PKN2: variants seen among roughly 807,000 people sequenced by gnomAD.
The protein encoded by PKN2 is protein kinase N2, also known as serine/threonine-protein kinase N2.
In PKN2, 38 loss-of-function variants were observed where a neutral mutation model predicts 119.1. That is an observed-to-expected ratio of 0.32 (90% CI 0.25 to 0.42). The LOEUF (loss-of-function observed/expected upper bound fraction) is 0.42, where lower values mean the gene tolerates loss of function less well. Among genes scored for constraint, PKN2 ranks in the 10% least tolerant of loss-of-function variants. PKN2 has a pLI of 1.00. For synonymous variants in PKN2, 390 were observed against 384.9 expected, an observed-to-expected ratio of 1.01 and a Z score of -0.15; for missense variants, 850 against 1,165.1, an observed-to-expected ratio of 0.73 and a Z score of 3.94.
In PKN2 at chr1:88,833,607, C is replaced by T. The variant is rs1046963562; in HGVS notation, c.*159C>T. 3.3e-6 allele frequency: 2 copies of T among 610,622 alleles called. No individual in the cohort carries two copies. The highest frequency in any genetic ancestry group is 2.9e-6 in the Non-Finnish European group (1 of 349,250). 37.8% of individuals were successfully genotyped at this position (610,622 alleles called of 1,614,324 possible). ...TTTGTTTAAAAGTACCATTCTAATA[C>T]TTCTTCAAAAGTGGCTCCTCATTGT... is the stretch of plus-strand genomic sequence containing the variant. On this transcript the variant is annotated 3_prime_UTR_variant, in exon 22 of 22. Coordinates refer to ENST00000370521, the MANE Select transcript of PKN2 (RefSeq NM_006256.4).
chr1:88,798,036 G>C (rs1171533263), intron 8 of PKN2, among the ~76,000 whole-genome samples: 3 of 151,932 alleles, frequency 2.0e-5, no homozygotes, highest in Non-Finnish European at 4.4e-5. Context: ...AAATGCCAAA[G>C]AATGCAAAAG....
At chr1:88,824,631 T>G (rs1361497405) in intron 18 of PKN2, among the ~76,000 whole-genome samples, 1 of 152,222 alleles carries the variant, frequency 6.6e-6, no homozygotes, top group Non-Finnish European at 1.5e-5. Context: ...GATTAATAAT[T>G]TTGTCACTAC....
chr1:88,821,499 A>G (rs1038600938), intron 16 of PKN2, among the ~76,000 whole-genome samples: 1 of 152,132 alleles, frequency 6.6e-6, no homozygotes, highest in Non-Finnish European at 1.5e-5. Flanking sequence ...CTAATCTCCT[A>G]CTTCGTCCCC....
chr1:88,805,727 G>A (rs538179355), intron 11 of PKN2, 56 bp downstream of exon 11: 52 of 1,602,698 alleles, frequency 3.2e-5, no homozygotes, highest in African/African-American at 1.2e-4. Flanking sequence ...ACATTCTTAC[G>A]TACTGATTAT....
intron 9 of PKN2, 96 bp downstream of exon 9, chr1:88,804,630 A>G (rs1671460203): frequency 8.0e-7 from 1 of 1,250,522 alleles, no homozygotes; most frequent in Admixed American, 2.0e-5. Context: ...AGGCTGAAAG[A>G]CAGATGACTT....
intron 1 of PKN2, among the ~76,000 whole-genome samples, chr1:88,724,860 C>T (rs548969614): frequency 1.4e-5 from 2 of 146,950 alleles, no homozygotes; most frequent in South Asian, 2.2e-4. Flanking sequence ...GTGTGAGCCA[C>T]TGTGCCCGCC....
chr1:88,708,378 G>A (rs561870891), intron 1 of PKN2, among the ~76,000 whole-genome samples: 2 of 152,056 alleles, frequency 1.3e-5, no homozygotes, highest in South Asian at 4.1e-4. Context: ...ATATTTCAAA[G>A]TCTTGTGACT....
chr1:88,718,128 CTGCAGAACAGCAAATAT>C (rs1397914823), intron 1 of PKN2, among the ~76,000 whole-genome samples: 1 of 152,216 alleles, frequency 6.6e-6, no homozygotes, highest in Non-Finnish European at 1.5e-5. Context: ...CCATCGGAGG[CTGCAGAACAGCAAATAT>C]TGCAGAACAG....
At chr1:88,751,656 C>T (rs305218) in intron 2 of PKN2, among the ~76,000 whole-genome samples, 12,810 of 152,164 alleles carry the variant, frequency 0.084, 821 homozygotes, top group African/African-American at 0.17. Context: ...TTCAATTCCA[C>T]AAATTAGATC....
At chr1:88,806,774 C>T (rs1428253027) in intron 12 of PKN2, among the ~76,000 whole-genome samples, 4 of 152,104 alleles carry the variant, frequency 2.6e-5, no homozygotes, top group Non-Finnish European at 4.4e-5. Flanking sequence ...GGCTGGAGTG[C>T]AATGGCATGA....
At chr1:88,784,160 G>A (rs1464999728) in intron 6 of PKN2, among the ~76,000 whole-genome samples, 1 of 126,602 alleles carries the variant, frequency 7.9e-6, no homozygotes, top group Non-Finnish European at 1.6e-5. Flanking sequence ...TTTTTGGAGA[G>A]AGAGTCTTGG....
intron 16 of PKN2, among the ~76,000 whole-genome samples, chr1:88,818,237 C>T (rs1026288020): frequency 2.6e-5 from 4 of 152,186 alleles, no homozygotes; most frequent in Admixed American, 1.3e-4. Context: ...GAAAAACATT[C>T]CATGCTCATG....
intron 1 of PKN2, among the ~76,000 whole-genome samples, chr1:88,719,253 T>C (rs1290235643): frequency 6.6e-6 from 1 of 152,238 alleles, no homozygotes; most frequent in Admixed American, 6.5e-5. Context: ...TTTGCAAATA[T>C]CTTTTATTTA....
intron 1 of PKN2, among the ~76,000 whole-genome samples, chr1:88,691,757 T>A (rs955366764): frequency 6.6e-6 from 1 of 152,214 alleles, no homozygotes; most frequent in African/African-American, 2.4e-5. Flanking sequence ...CAGTTACCCA[T>A]GGTCAACTGT....
At chr1:88,773,350 C>G (rs1669968043) in intron 6 of PKN2, among the ~76,000 whole-genome samples, 2 of 152,140 alleles carry the variant, frequency 1.3e-5, no homozygotes, top group African/African-American at 4.8e-5. Context: ...GCATGTGCTA[C>G]TGCACCTGGC....
chr1:88,783,858 C>G (rs1169499316), intron 6 of PKN2, among the ~76,000 whole-genome samples: 1 of 152,022 alleles, frequency 6.6e-6, no homozygotes, highest in African/African-American at 2.4e-5. Context: ...ATTAAACTAA[C>G]AGAATGGAAA....
chr1:88,763,794 A>G (rs1669546565), intron 3 of PKN2, among the ~76,000 whole-genome samples: 1 of 152,150 alleles, frequency 6.6e-6, no homozygotes, highest in Non-Finnish European at 1.5e-5. Flanking sequence ...TATCTTGGAT[A>G]TGAGGAAGGA....
At position 88,835,876 on chromosome 1, in the gene PKN2, T is replaced by G. The variant is rs939220413; in HGVS notation, c.*2428T>G. 1 of 152,294 alleles carries G rather than the reference T, an allele frequency of 6.6e-6. No homozygotes were observed. Among genetic ancestry groups the G allele is most frequent in the Non-Finnish European group, 1.5e-5 (1 of 67,988 alleles). 9.4% of individuals were successfully genotyped at this position (152,294 alleles called of 1,614,324 possible). On this transcript the variant is annotated 3_prime_UTR_variant, in exon 22 of 22. Coordinates refer to ENST00000370521, the MANE Select transcript of PKN2 (RefSeq NM_006256.4). ...AAAATATACTTTAACTTTTCTGTGT[T>G]CAAAATCTCAAAGACTAATTAACTT...
intron 6 of PKN2, among the ~76,000 whole-genome samples, chr1:88,777,602 C>A (rs1670156926): frequency 1.3e-5 from 2 of 152,142 alleles, no homozygotes; most frequent in South Asian, 2.1e-4. Flanking sequence ...ACTATTCTTT[C>A]TCATGTATTA....
Sources: allele counts gnomAD v4.1 joint callset (sites outside exome capture counted in the v4.1 genomes callset), GRCh38; gene constraint gnomAD v4.1.1; transcripts MANE v1.5; gene names NCBI Gene and HGNC (gene_info 2026-07-23, HGNC 2026-07-21).